The following CASK variants were observed in gnomAD, a reference collection of about 807,000 sequenced individuals.
CASK encodes calcium/calmodulin dependent serine protein kinase.
Under a neutral mutation model 82.9 loss-of-function variants are expected in CASK, and 4 were observed. The ratio of observed to expected loss-of-function variants is 0.05; its 90% confidence interval spans 0.02 to 0.11. The LOEUF (loss-of-function observed/expected upper bound fraction) is 0.11. CASK is among the 10% of genes least tolerant of loss of function. The probability of loss-of-function intolerance (pLI) is 1.00; values close to 1 mark genes in which losing one functional copy is unlikely to be tolerated. For synonymous variants in CASK, 259 were observed against 253.5 expected (o/e 1.02, Z -0.20); for missense variants, 358 against 720.9 (o/e 0.50, Z 5.76).
At chrX:41,729,945 G>A (rs1212318594) in intron 5 of CASK, 2 of 114,622 alleles carry the variant, frequency 1.7e-5, no homozygotes, top group African/African-American at 3.5e-5. Context: ...ACAAATGATG[G>A]TGACTATATT....
chrX:41,585,401 A>G (rs1314096817), intron 14 of CASK: 1 of 112,568 alleles, frequency 8.9e-6, no homozygotes, highest in African/African-American at 3.2e-5. Flanking sequence ...CCAGGTAGTT[A>G]CTTTTAGGAA....
At chrX:41,652,043 G>A in intron 8 of CASK, among the ~76,000 whole-genome samples, 1 of 111,395 alleles carries the variant, frequency 9.0e-6, no homozygotes, top group Non-Finnish European at 1.9e-5. Context: ...GGTCAGGGAA[G>A]GTCTTACTAA....
chrX:41,550,981 G>A (rs2065090044), intron 21 of CASK, among the ~76,000 whole-genome samples: 1 of 111,711 alleles, frequency 9.0e-6, no homozygotes, highest in Admixed American at 9.5e-5. Flanking sequence ...ATATGCAGTA[G>A]GTTTGGGTTT....
chrX:41,845,006 G>C (rs2071123897), intron 2 of CASK, among the ~76,000 whole-genome samples: 1 of 111,548 alleles, frequency 9.0e-6, no homozygotes, highest in African/African-American at 3.3e-5. Flanking sequence ...TTCCGTTATT[G>C]ATTTCTGATT....
chrX:41,745,317 C>T (rs2068669200), intron 4 of CASK, among the ~76,000 whole-genome samples: 1 of 111,907 alleles, frequency 8.9e-6, no homozygotes, highest in Non-Finnish European at 1.9e-5. Flanking sequence ...TGCCTGGCCC[C>T]TATAAACCCA....
intron 1 of CASK, among the ~76,000 whole-genome samples, chrX:41,857,017 C>T (rs773370947): frequency 9.1e-6 from 1 of 110,475 alleles, no homozygotes; most frequent in South Asian, 4.0e-4. Context: ...ATCTGACTAG[C>T]TCAGAAGAAA....
At chrX:41,912,300 GTT>G (rs774775542) in intron 1 of CASK, among the ~76,000 whole-genome samples, 30 of 53,173 alleles carry the variant, frequency 5.6e-4, no homozygotes, top group African/African-American at 2.1e-3. Flanking sequence ...TTTGTTTTCT[GTT>G]TTTTTTTTTT....
chrX:41,884,448 G>A (rs922501462), intron 1 of CASK, among the ~76,000 whole-genome samples: 18 of 111,472 alleles, frequency 1.6e-4, no homozygotes, highest in Non-Finnish European at 2.3e-4. Context: ...GAAGGGGTAA[G>A]CATGTTCTTT....
chrX:41,587,042 TGTTAAATTCTTTTAA>T (rs2065667897), intron 13 of CASK, 55 bp from the exon 14 acceptor site: 2 of 706,711 alleles, frequency 2.8e-6, no homozygotes, highest in Admixed American at 5.2e-5. Flanking sequence ...ATTTACAAAA[TGTTAAATTCTTTTAA>T]GTTAAAAATT....
chrX:41,690,301 AAC>A (rs1185468293), intron 5 of CASK, among the ~76,000 whole-genome samples: 1 of 109,457 alleles, frequency 9.1e-6, no homozygotes, highest in African/African-American at 3.3e-5. Context: ...GAGAAAAAAA[AAC>A]AGTCACCAAG....
chrX:41,718,685 T>C (rs930657383), intron 5 of CASK, among the ~76,000 whole-genome samples: 1 of 111,983 alleles, frequency 8.9e-6, no homozygotes, highest in African/African-American at 3.2e-5. Context: ...TACCCTCAAT[T>C]GGCATTGTTA....
rs1408727504 is a variant in CASK at position 41,595,357 on chromosome X, G to C, written c.1156-5765C>G. ...GTTCATGCCTGTAATCCCAGCACTT[G>C]GGGAGGCCATACGAGGTAGGAAGAT... On this transcript the variant is annotated intron_variant, in intron 12 of 26. Transcript: ENST00000378163. Among the ~76,000 whole-genome samples the C allele has an allele frequency of 2.7e-5, 3 of 111,292 alleles. No homozygotes were observed. The East Asian group carries it at 8.5e-4, about 31-fold the overall frequency.
At chrX:41,872,569 G>A (rs978431122) in intron 1 of CASK, among the ~76,000 whole-genome samples, 1 of 111,656 alleles carries the variant, frequency 9.0e-6, no homozygotes, top group Non-Finnish European at 1.9e-5. Context: ...AATAGTTTTG[G>A]ATTATCAAAA....
chrX:41,801,118 A>G (rs1216543074), intron 2 of CASK, among the ~76,000 whole-genome samples: 4 of 111,592 alleles, frequency 3.6e-5, no homozygotes, highest in Non-Finnish European at 5.7e-5. Context: ...AAAGGAGGGG[A>G]AAAAAAAGCA....
chrX:41,641,792 C>A (rs754793733), intron 8 of CASK, among the ~76,000 whole-genome samples: 1 of 110,033 alleles, frequency 9.1e-6, no homozygotes, highest in Non-Finnish European at 1.9e-5. Context: ...ATGTGCACAA[C>A]GTGCAGGTTT....
At chrX:41,543,981 T>G (rs1478190589) in intron 21 of CASK, among the ~76,000 whole-genome samples, 2 of 112,398 alleles carry the variant, frequency 1.8e-5, no homozygotes, top group Non-Finnish European at 3.8e-5. Flanking sequence ...ACTGATCATT[T>G]TTTCATATGT....
At position 41,816,228 on chromosome X, in the gene CASK, GATA is replaced by G. The variant is rs200051302; in HGVS notation, c.173-28948_173-28946del. Among the ~76,000 whole-genome samples, 956 of 111,988 alleles carry G rather than the reference GATA, an allele frequency of 8.5e-3. 14 individuals are homozygous for G. The highest frequency in any genetic ancestry group is 0.03 in the African/African-American group (920 of 30,787). On this transcript the variant is annotated intron_variant, in intron 2 of 26. Coordinates refer to ENST00000378163, the MANE Select transcript of CASK (RefSeq NM_001367721.1). Reference sequence around the variant, plus strand: ...GAACAAAGAAAAAAGATCAGTTCATGATAATAACACAGTCAACTCATCAAGAGG... The same window carrying G: ...GAACAAAGAAAAAAGATCAGTTCATGATAACACAGTCAACTCATCAAGAGG...
chrX:41,811,210 C>CT (rs761086918), intron 2 of CASK, among the ~76,000 whole-genome samples: 6 of 111,745 alleles, frequency 5.4e-5, no homozygotes, highest in Non-Finnish European at 1.1e-4. Context: ...AGGAATTGAA[C>CT]TCAGCTCTGC....
At chrX:41,911,510 C>G (rs1163532104) in intron 1 of CASK, among the ~76,000 whole-genome samples, 1 of 112,250 alleles carries the variant, frequency 8.9e-6, no homozygotes, top group South Asian at 3.7e-4. Context: ...GAGACTACAA[C>G]TTCAGAATCT....
Sources: allele counts gnomAD v4.1 joint callset (sites outside exome capture counted in the v4.1 genomes callset), GRCh38; gene constraint gnomAD v4.1.1; transcripts MANE v1.5; gene names NCBI Gene and HGNC (gene_info 2026-07-23, HGNC 2026-07-21).